Variants in OSBP2 observed in about 807,000 individuals in gnomAD.
OSBP2 encodes the protein oxysterol-binding protein 2.
Under a neutral mutation model 96.0 loss-of-function variants are expected in OSBP2, and 66 were observed. That is an observed-to-expected ratio of 0.69 (90% CI 0.56 to 0.84). The LOEUF (loss-of-function observed/expected upper bound fraction) is 0.84. Among genes scored for constraint, OSBP2 ranks in the 40% least tolerant of loss-of-function variants. The pLI, the probability that OSBP2 is intolerant of heterozygous loss-of-function variation, is 0.00. For synonymous variants in OSBP2, 525 were observed against 520.9 expected, an observed-to-expected ratio of 1.01 and a Z score of -0.11; for missense variants, 1,038 against 1,222.7, an observed-to-expected ratio of 0.85 and a Z score of 2.25.
intron 2 of OSBP2, among the ~76,000 whole-genome samples, chr22:30,794,528 G>A (rs896573305): frequency 9.2e-5 from 14 of 151,886 alleles, no homozygotes; most frequent in African/African-American, 3.4e-4. Context: ...GCCTCCCAAA[G>A]TGCTGGGATT....
chr22:30,806,518 G>C (rs2090930243), intron 2 of OSBP2, among the ~76,000 whole-genome samples: 1 of 152,196 alleles, frequency 6.6e-6, no homozygotes, highest in Non-Finnish European at 1.5e-5. Flanking sequence ...CTAGAAGGTG[G>C]AGCAGAGCCC....
At chr22:30,822,725 G>T (rs1005100240) in intron 2 of OSBP2, 5 of 1,516,976 alleles carry the variant, frequency 3.3e-6, no homozygotes, top group South Asian at 1.2e-5. Flanking sequence ...TGCTTGCCGG[G>T]CTTCCACCCG....
intron 2 of OSBP2, among the ~76,000 whole-genome samples, chr22:30,868,402 C>G (rs1231132164): frequency 6.6e-6 from 1 of 152,252 alleles, no homozygotes; most frequent in Admixed American, 6.5e-5. Context: ...CAGACCCTGG[C>G]CCAGCCCGTG....
chr22:30,814,028 C>G (rs190244270), intron 2 of OSBP2, among the ~76,000 whole-genome samples: 1 of 152,224 alleles, frequency 6.6e-6, no homozygotes, highest in Admixed American at 6.5e-5. Flanking sequence ...TCTCGAACTC[C>G]TGACCTCAAG....
intron 8 of OSBP2, among the ~76,000 whole-genome samples, chr22:30,891,814 C>T (rs1335663625): frequency 6.6e-6 from 1 of 152,146 alleles, no homozygotes; most frequent in East Asian, 1.9e-4. Flanking sequence ...TAGGTGCCCT[C>T]GACATGCCAG....
At chr22:30,761,645 A>G (rs1256439657) in intron 2 of OSBP2, among the ~76,000 whole-genome samples, 1 of 152,236 alleles carries the variant, frequency 6.6e-6, no homozygotes, top group Non-Finnish European at 1.5e-5. Flanking sequence ...TTGAAAAAGA[A>G]GAATAAAGGT....
At chr22:30,710,292 C>CTGTTT (rs775486710) in intron 1 of OSBP2, among the ~76,000 whole-genome samples, 3 of 152,166 alleles carry the variant, frequency 2.0e-5, no homozygotes, top group African/African-American at 4.8e-5. Context: ...TGACTCTTTC[C>CTGTTT]TGTTTTGTTT....
At chr22:30,867,130 A>G (rs1211584456) in intron 2 of OSBP2, among the ~76,000 whole-genome samples, 1 of 152,094 alleles carries the variant, frequency 6.6e-6, no homozygotes, top group Non-Finnish European at 1.5e-5. Context: ...AGCCACCATC[A>G]GTGTGCCTGG....
At chr22:30,840,965 G>A (rs1285465266) in intron 2 of OSBP2, among the ~76,000 whole-genome samples, 1 of 152,058 alleles carries the variant, frequency 6.6e-6, no homozygotes, top group Non-Finnish European at 1.5e-5. Context: ...AGGAGTTTAA[G>A]ACCAGTCTGG....
intron 1 of OSBP2, among the ~76,000 whole-genome samples, chr22:30,736,871 C>T (rs1345126769): frequency 6.6e-6 from 1 of 152,026 alleles, no homozygotes; most frequent in African/African-American, 2.4e-5. Flanking sequence ...GTCCTCTTTC[C>T]CCCATTTATT....
chr22:30,758,549 A>G (rs1030441224), intron 2 of OSBP2, among the ~76,000 whole-genome samples: 1 of 152,186 alleles, frequency 6.6e-6, no homozygotes, highest in Non-Finnish European at 1.5e-5. Flanking sequence ...TCCCTCCAGT[A>G]TCTTCTAGAG....
intron 2 of OSBP2, among the ~76,000 whole-genome samples, chr22:30,838,573 C>G (rs1460027795): frequency 6.6e-6 from 1 of 152,180 alleles, no homozygotes; most frequent in Non-Finnish European, 1.5e-5. Flanking sequence ...TTCAGTCTTT[C>G]ACCATTAACT....
intron 12 of OSBP2, among the ~76,000 whole-genome samples, chr22:30,895,676 C>T (rs1158575306): frequency 2.0e-5 from 3 of 152,118 alleles, no homozygotes; most frequent in East Asian, 1.9e-4. Flanking sequence ...TGGTGGCTCA[C>T]GCCTGTAATC....
chr22:30,892,194 G>C lies in OSBP2; in HGVS notation c.1870-928G>C, dbSNP rs62238090. ...GGGTTTGCTTAGGGTTAGAGGAGGA[G>C]CATGAGGAGGGCCAGAGAGGCTGCA... is the stretch of plus-strand genomic sequence containing the variant. On this transcript the variant is annotated intron_variant, in intron 8 of 13. Transcript: ENST00000332585. Among the ~76,000 whole-genome samples the C allele has an allele frequency of 6.1e-3, 923 of 152,268 alleles. 11 individuals are homozygous for C. The highest frequency in any genetic ancestry group is 0.017 in the Middle Eastern group (5 of 294).
At position 30,695,567 on chromosome 22, in the gene OSBP2, A is replaced by C; in HGVS notation, c.644+14A>C. The C allele has an allele frequency of 1.3e-6, 2 of 1,595,076 alleles. No individual in the cohort carries two copies. Among genetic ancestry groups the C allele is most frequent in the Non-Finnish European group, 1.7e-6 (2 of 1,175,008 alleles). The stretch of plus-strand genomic sequence containing the variant: ...CTCTTACTACAGGTATGGAAGCGCC[A>C]GGGTGGGACATGGGGGTTGGAGGGT... On this transcript the variant is annotated intron_variant, in intron 1 of 13. Transcript: ENST00000332585.
chr22:30,817,981 A>T (rs1285300655), intron 2 of OSBP2, among the ~76,000 whole-genome samples: 1 of 151,810 alleles, frequency 6.6e-6, no homozygotes, highest in Non-Finnish European at 1.5e-5. Flanking sequence ...TGCAGCCTTG[A>T]CCTCCCCAGG....
At chr22:30,839,870 G>T (rs1054231514) in intron 2 of OSBP2, among the ~76,000 whole-genome samples, 22 of 152,018 alleles carry the variant, frequency 1.4e-4, no homozygotes, top group Non-Finnish European at 2.2e-4. Flanking sequence ...GTCAATTTTG[G>T]CTTTTGTTGC....
chr22:30,721,775 G>C (rs2089556755), intron 1 of OSBP2, among the ~76,000 whole-genome samples: 1 of 152,110 alleles, frequency 6.6e-6, no homozygotes, highest in Non-Finnish European at 1.5e-5. Context: ...TTTATAATTG[G>C]CCTTGGAGTG....
intron 12 of OSBP2, chr22:30,902,575 T>C (rs1602449082): frequency 1.1e-6 from 1 of 907,996 alleles, no homozygotes; most frequent in Admixed American, 1.8e-5. Context: ...GGCCCCCAAC[T>C]GGGCAGCCAC....
Sources: gnomAD v4.1 joint callset for allele counts (sites outside exome capture counted in the v4.1 genomes callset) on GRCh38, gnomAD v4.1.1 for gene constraint, MANE v1.5 for transcripts, NCBI Gene and HGNC (gene_info 2026-07-23, HGNC 2026-07-21) for gene names.